The following TMEM178B variants were observed in gnomAD, a reference collection of about 807,000 sequenced individuals.
TMEM178B encodes the protein transmembrane protein 178B.
In TMEM178B, 5 loss-of-function variants were observed where a neutral mutation model predicts 31.0. The ratio of observed to expected loss-of-function variants is 0.16; its 90% confidence interval spans 0.08 to 0.34. The LOEUF (loss-of-function observed/expected upper bound fraction) is 0.34, where lower values mean the gene tolerates loss of function less well. TMEM178B is among the 10% of genes least tolerant of loss of function. The probability of loss-of-function intolerance (pLI) is 1.00; values close to 1 mark genes in which losing one functional copy is unlikely to be tolerated. For synonymous variants in TMEM178B, 164 were observed against 164.0 expected, an observed-to-expected ratio of 1.00 and a Z score of 0.00; for missense variants, 275 against 400.3, an observed-to-expected ratio of 0.69 and a Z score of 2.67.
At chr7:141,155,935 G>A (rs955943835) in intron 1 of TMEM178B, among the ~76,000 whole-genome samples, 12 of 152,070 alleles carry the variant, frequency 7.9e-5, no homozygotes, top group Admixed American at 5.9e-4. Context: ...CATGGTGGTG[G>A]GCACCTGTAA....
chr7:141,495,538 AATATCAAG>A, the TMEM178B span, among the ~76,000 whole-genome samples: 1 of 152,234 alleles, frequency 6.6e-6, no homozygotes, highest in Non-Finnish European at 1.5e-5. Context: ...ACAACTTGAC[AATATCAAG>A]ATTTGAAAGG....
Position 141,475,247 on chromosome 7 carries a change from A to G in TMEM178B, c.*4461A>G, listed in dbSNP as rs1802341475. The stretch of plus-strand genomic sequence containing the variant: ...AAGGGGGCAGATTTTTAAGAACCCC[A>G]CCAGAGTTGACATACACACGTGATT... On this transcript the variant is annotated 3_prime_UTR_variant, in exon 4 of 4. Transcript: ENST00000565468. 6.6e-6 allele frequency: 1 copy of G among 152,184 alleles called. No individual in the cohort carries two copies. The highest frequency in any genetic ancestry group is 1.5e-5 in the Non-Finnish European group (1 of 68,032). The allele number at this position is 152,184 out of a possible 1,614,324, so 9.4% of individuals were successfully genotyped here.
chr7:141,421,954 C>G (rs1801218728), intron 2 of TMEM178B, among the ~76,000 whole-genome samples: 1 of 151,990 alleles, frequency 6.6e-6, no homozygotes, highest in South Asian at 2.1e-4. Context: ...GTCACATATT[C>G]ATAAGCTTTT....
intron 2 of TMEM178B, among the ~76,000 whole-genome samples, chr7:141,217,556 A>AC (rs1797177429): frequency 6.6e-6 from 1 of 152,004 alleles, no homozygotes; most frequent in Non-Finnish European, 1.5e-5. Context: ...CAGGGCAGAC[A>AC]CCCATTGGAA....
intron 1 of TMEM178B, among the ~76,000 whole-genome samples, chr7:141,119,907 G>A (rs547978969): frequency 2.4e-4 from 37 of 152,270 alleles, no homozygotes; most frequent in Non-Finnish European, 3.8e-4. Context: ...CATCACCATG[G>A]GATTAAAAGT....
At position 141,338,387 on chromosome 7, in the gene TMEM178B, G is replaced by A. The variant is rs542716369; in HGVS notation, c.497-99221G>A. Among the ~76,000 whole-genome samples, 16 of 152,194 alleles carry A rather than the reference G, an allele frequency of 1.1e-4. No individual in the cohort carries two copies. In the East Asian group the frequency reaches 3.1e-3, roughly 29 times the overall value. On this transcript the variant is annotated intron_variant, in intron 2 of 3. Transcript: ENST00000565468. ...TTTGTTTTCTTCCCTGTCAATCAAA[G>A]CAGCATATAAAAGCAATCTTTGGGG...
intron 1 of TMEM178B, among the ~76,000 whole-genome samples, chr7:141,131,206 C>A (rs1307414252): frequency 6.6e-6 from 1 of 152,192 alleles, no homozygotes; most frequent in Non-Finnish European, 1.5e-5. Context: ...ACCTAGAATG[C>A]TAACAGTAGC....
intron 2 of TMEM178B, among the ~76,000 whole-genome samples, chr7:141,288,711 G>A (rs1798493003): frequency 6.6e-6 from 1 of 152,154 alleles, no homozygotes. Context: ...CTCCAGTGCG[G>A]TTGTCCGAAG....
At chr7:141,112,824 A>G (rs1354879822) in intron 1 of TMEM178B, among the ~76,000 whole-genome samples, 3 of 152,166 alleles carry the variant, frequency 2.0e-5, no homozygotes, top group African/African-American at 7.2e-5. Flanking sequence ...ATAGCCACTC[A>G]TCCACTTGGC....
intron 2 of TMEM178B, among the ~76,000 whole-genome samples, chr7:141,213,968 A>C (rs1478685372): frequency 6.6e-6 from 1 of 152,228 alleles, no homozygotes; most frequent in Non-Finnish European, 1.5e-5. Context: ...GCACATGGGG[A>C]TGGAGAGCTA....
At chr7:141,350,793 C>A (rs1799707056) in intron 2 of TMEM178B, among the ~76,000 whole-genome samples, 1 of 152,080 alleles carries the variant, frequency 6.6e-6, no homozygotes, top group South Asian at 2.1e-4. Flanking sequence ...TACACACACA[C>A]AAAACAAAAG....
At chr7:141,357,565 G>A (rs1402643273) in intron 2 of TMEM178B, among the ~76,000 whole-genome samples, 1 of 152,092 alleles carries the variant, frequency 6.6e-6, no homozygotes, top group Non-Finnish European at 1.5e-5. Context: ...GGGAAAAATT[G>A]CATCTTAATT....
At chr7:141,081,026 T>C (rs79348481) in intron 1 of TMEM178B, among the ~76,000 whole-genome samples, 6,465 of 152,254 alleles carry the variant, frequency 0.042, 393 homozygotes, top group African/African-American at 0.14. Context: ...GCTATACTTC[T>C]AATCATTGTT....
intron 2 of TMEM178B, among the ~76,000 whole-genome samples, chr7:141,217,421 C>G (rs1165306182): frequency 6.6e-6 from 1 of 152,178 alleles, no homozygotes; most frequent in Non-Finnish European, 1.5e-5. Flanking sequence ...GAAGATGTCG[C>G]TGAGAGGTGA....
At chr7:141,387,554 C>T (rs1196931599) in intron 2 of TMEM178B, among the ~76,000 whole-genome samples, 1 of 152,226 alleles carries the variant, frequency 6.6e-6, no homozygotes, top group Non-Finnish European at 1.5e-5. Context: ...AATCCCCCCT[C>T]ATTCCTGTCT....
the TMEM178B span, among the ~76,000 whole-genome samples, chr7:141,504,465 A>G: frequency 1.3e-5 from 2 of 152,366 alleles, no homozygotes; most frequent in East Asian, 3.9e-4. Flanking sequence ...ATGTATTCTA[A>G]TAAACTTGAA....
intron 2 of TMEM178B, among the ~76,000 whole-genome samples, chr7:141,410,977 G>A (rs1586942742): frequency 6.6e-6 from 1 of 152,184 alleles, no homozygotes; most frequent in East Asian, 1.9e-4. Flanking sequence ...ATGTTGTATG[G>A]TTCCATGCAT....
rs1318237377 is a variant in TMEM178B at position 141,388,253 on chromosome 7, G to T, written c.497-49355G>T. 3.9e-5 allele frequency among the ~76,000 whole-genome samples: 6 copies of T among 152,246 alleles called. No individual in the cohort carries two copies. In the East Asian group the frequency reaches 1.2e-3, roughly 29 times the overall value. On this transcript the variant is annotated intron_variant, in intron 2 of 3. Coordinates refer to ENST00000565468, the MANE Select transcript of TMEM178B (RefSeq NM_001195278.2). ...ATGCCAGGCTCATCGTAGGGTCTCCGTAAGAACTCGCCCTGGACCACCCCA... is the reference window on the plus strand; with the variant it reads ...ATGCCAGGCTCATCGTAGGGTCTCCTTAAGAACTCGCCCTGGACCACCCCA...
chr7:141,489,212 A>C, the TMEM178B span, among the ~76,000 whole-genome samples: 22 of 152,312 alleles, frequency 1.4e-4, no homozygotes, highest in African/African-American at 5.3e-4. Context: ...CTGCTTCAAC[A>C]TCAAAATACT....
Sources: gnomAD v4.1 joint callset for allele counts (sites outside exome capture counted in the v4.1 genomes callset) on GRCh38, gnomAD v4.1.1 for gene constraint, MANE v1.5 for transcripts, NCBI Gene and HGNC (gene_info 2026-07-23, HGNC 2026-07-21) for gene names.